Variants in CAP2 observed in about 807,000 individuals in gnomAD.
CAP2 encodes cyclase associated actin cytoskeleton regulatory protein 2, also known as adenylyl cyclase-associated protein 2.
CAP2 carries 24 observed loss-of-function variants against 57.7 expected under a neutral mutation model. That is an observed-to-expected ratio of 0.42 (90% CI 0.30 to 0.58). The LOEUF is 0.58. Ranked by LOEUF, CAP2 falls within the 20% of genes least tolerant of loss-of-function variation. The probability of loss-of-function intolerance (pLI) is 0.22; values close to 1 mark genes in which losing one functional copy is unlikely to be tolerated. For missense variants in CAP2, 501 were observed against 590.3 expected (o/e 0.85, Z 1.57); for synonymous variants, 194 against 207.2 (o/e 0.94, Z 0.55).
chr6:17,411,034 G>T (rs539708001), intron 1 of CAP2, among the ~76,000 whole-genome samples: 1 of 143,146 alleles, frequency 7.0e-6, no homozygotes, highest in Non-Finnish European at 1.6e-5. Flanking sequence ...TCTTATAAAT[G>T]GAATCATACA....
At chr6:17,526,956 CAAAAAAAAAAA>C (rs1221212193) in intron 7 of CAP2, among the ~76,000 whole-genome samples, 2 of 80,114 alleles carry the variant, frequency 2.5e-5, no homozygotes, top group South Asian at 5.1e-4. Flanking sequence ...GACTCTGTCT[CAAAAAAAAAAA>C]AAAAAAAAAA....
intron 3 of CAP2, among the ~76,000 whole-genome samples, chr6:17,436,946 A>G (rs956337357): frequency 3.9e-5 from 6 of 152,030 alleles, no homozygotes; most frequent in Admixed American, 1.3e-4. Flanking sequence ...CATAAACCCT[A>G]TGGTGAACTG....
chr6:17,505,589 A>G (rs1295567803), intron 4 of CAP2, among the ~76,000 whole-genome samples: 1 of 152,254 alleles, frequency 6.6e-6, no homozygotes, highest in Non-Finnish European at 1.5e-5. Context: ...AAATCTCAGA[A>G]ATTAAAGAGC....
At chr6:17,464,619 C>T (rs1385553136) in intron 4 of CAP2, among the ~76,000 whole-genome samples, 10 of 152,106 alleles carry the variant, frequency 6.6e-5, no homozygotes, top group Admixed American at 2.0e-4. Flanking sequence ...ATGGGCTTCA[C>T]GGGTGATTCT....
intron 1 of CAP2, 127 bp from the exon 2 acceptor site, chr6:17,421,428 A>C: frequency 1.1e-6 from 1 of 932,994 alleles, no homozygotes; most frequent in South Asian, 1.5e-5. Flanking sequence ...TTCATGGTTA[A>C]AAAATAAAAA....
intron 3 of CAP2, among the ~76,000 whole-genome samples, chr6:17,435,702 A>G (rs867024756): frequency 0.034 from 4,670 of 139,218 alleles, 257 homozygotes; most frequent in African/African-American, 0.12. Flanking sequence ...AAAAAAAAAA[A>G]AAGAAGTTTA....
chr6:17,486,580 T>C (rs913708492), intron 4 of CAP2, among the ~76,000 whole-genome samples: 4 of 152,232 alleles, frequency 2.6e-5, no homozygotes, highest in Admixed American at 2.6e-4. Flanking sequence ...CACTCCAGAC[T>C]GGGTGACTGA....
intron 1 of CAP2, among the ~76,000 whole-genome samples, chr6:17,406,906 C>G (rs974925228): frequency 6.6e-6 from 1 of 152,128 alleles, no homozygotes; most frequent in African/African-American, 2.4e-5. Context: ...CCTGCACCCC[C>G]ACCCAATTCT....
At chr6:17,548,471 CA>C (rs980489877) in intron 11 of CAP2, among the ~76,000 whole-genome samples, 1 of 151,682 alleles carries the variant, frequency 6.6e-6, no homozygotes, top group Admixed American at 6.6e-5. Context: ...AGGTACCTAG[CA>C]AAAAAAGCAA....
intron 9 of CAP2, among the ~76,000 whole-genome samples, chr6:17,541,789 C>G (rs1224201872): frequency 6.6e-6 from 1 of 152,194 alleles, no homozygotes; most frequent in Non-Finnish European, 1.5e-5. Flanking sequence ...CCATTAACCA[C>G]CAAGGTGAAG....
intron 4 of CAP2, among the ~76,000 whole-genome samples, chr6:17,501,272 A>G (rs1231244323): frequency 3.9e-5 from 6 of 152,216 alleles, no homozygotes; most frequent in Non-Finnish European, 4.4e-5. Flanking sequence ...CAGTAATTAC[A>G]TCTACACTTG....
rs1759650733 is a variant in CAP2, at chr6:17,428,678, G to GTC, written c.222+1988_222+1989insTC. The stretch of plus-strand genomic sequence containing the variant: ...TTGGGAGATATACCTAATGCTAGAT[G>GTC]ACGAGTTAGTGGGTGCAGCGCACCA... On this transcript the variant is annotated intron_variant, in intron 3 of 12. Transcript: ENST00000229922. Among the ~76,000 whole-genome samples the GTC allele has an allele frequency of 8.7e-4, 131 of 151,428 alleles. 6 individuals carry two copies. The highest frequency in any genetic ancestry group is 2.4e-5 in the African/African-American group (1 of 41,202).
At chr6:17,449,935 A>T (rs763150290) in intron 3 of CAP2, among the ~76,000 whole-genome samples, 1 of 152,242 alleles carries the variant, frequency 6.6e-6, no homozygotes, top group African/African-American at 2.4e-5. Flanking sequence ...TTGAATGCAC[A>T]TTAATATTCA....
intron 11 of CAP2, among the ~76,000 whole-genome samples, chr6:17,549,023 A>AT (rs1763114169): frequency 6.6e-6 from 1 of 152,260 alleles, no homozygotes; most frequent in Non-Finnish European, 1.5e-5. Context: ...AGTACTGGTC[A>AT]TTTTAACTAC....
intron 4 of CAP2, among the ~76,000 whole-genome samples, chr6:17,469,741 A>T (rs1009689155): frequency 9.9e-5 from 15 of 152,164 alleles, no homozygotes; most frequent in Admixed American, 7.2e-4. Context: ...CATTGTTTAT[A>T]CAATCTGAAA....
chr6:17,418,917 C>T (rs780587418), intron 1 of CAP2, among the ~76,000 whole-genome samples: 7 of 151,954 alleles, frequency 4.6e-5, no homozygotes, highest in Non-Finnish European at 8.8e-5. Flanking sequence ...CAAGCTCTGA[C>T]GTGAAGAGGA....
chr6:17,536,394 A>G, intron 7 of CAP2: 1 of 431,718 alleles, frequency 2.3e-6, no homozygotes, highest in Non-Finnish European at 4.7e-6. Flanking sequence ...AGAGCCCGGT[A>G]TTGTGCTCTT....
At chr6:17,456,502 A>G (rs1760575510) in intron 3 of CAP2, among the ~76,000 whole-genome samples, 1 of 152,098 alleles carries the variant, frequency 6.6e-6, no homozygotes, top group African/African-American at 2.4e-5. Flanking sequence ...CAGAAACTCT[A>G]GGGACTTTTC....
At chr6:17,441,787 A>C (rs191494694) in intron 3 of CAP2, among the ~76,000 whole-genome samples, 2 of 152,216 alleles carry the variant, frequency 1.3e-5, no homozygotes, top group East Asian at 3.8e-4. Context: ...GCCTGGCCTT[A>C]AAAATATACA....
Sources: gnomAD v4.1 joint callset for allele counts (sites outside exome capture counted in the v4.1 genomes callset) on GRCh38, gnomAD v4.1.1 for gene constraint, MANE v1.5 for transcripts, NCBI Gene and HGNC (gene_info 2026-07-23, HGNC 2026-07-21) for gene names.